UBXN7: variants seen among roughly 807,000 people sequenced by gnomAD.
UBXN7 encodes the protein UBX domain protein 7.
UBXN7 carries 9 observed loss-of-function variants against 58.0 expected under a neutral mutation model. That is an observed-to-expected ratio of 0.16 (90% CI 0.09 to 0.27). The LOEUF (loss-of-function observed/expected upper bound fraction) is 0.27, where lower values mean the gene tolerates loss of function less well. Ranked by LOEUF, UBXN7 falls within the 10% of genes least tolerant of loss-of-function variation. The probability of loss-of-function intolerance (pLI) is 1.00; values close to 1 mark genes in which losing one functional copy is unlikely to be tolerated. For synonymous variants in UBXN7, 208 were observed against 205.0 expected (o/e 1.01, Z -0.12); for missense variants, 328 against 599.6 (o/e 0.55, Z 4.73).
At chr3:196,385,518 G>A (rs1729351830) in intron 5 of UBXN7, among the ~76,000 whole-genome samples, 1 of 151,790 alleles carries the variant, frequency 6.6e-6, no homozygotes, top group Admixed American at 6.6e-5. Flanking sequence ...CTGGGATGTG[G>A]GGAGTGCCTC....
chr3:196,369,658 A>G, intron 6 of UBXN7, 147 bp from the exon 7 acceptor site: 1 of 595,158 alleles, frequency 1.7e-6, no homozygotes, highest in Non-Finnish European at 2.9e-6. Flanking sequence ...AAGAAAATAA[A>G]TCTGGTTTGA....
intron 5 of UBXN7, among the ~76,000 whole-genome samples, chr3:196,386,111 T>C (rs1560228702): frequency 6.6e-6 from 1 of 152,022 alleles, no homozygotes; most frequent in Non-Finnish European, 1.5e-5. Flanking sequence ...ATGTGCTGTG[T>C]CCACTAAGGG....
rs141483988 is a variant in UBXN7, at chr3:196,356,347, A to G, written c.*338T>C. On this transcript the variant is annotated 3_prime_UTR_variant, in exon 11 of 11. Transcript: ENST00000296328. ...TGATCCCAAAAAAGTGCCGTGCAAG[A>G]GACCACTTACTGGAACACACAATTC... 1.5e-3 allele frequency: 270 copies of G among 178,798 alleles called. No individual in the cohort carries two copies. The highest frequency in any genetic ancestry group is 6.2e-3 in the African/African-American group (261 of 42,268). The allele number at this position is 178,798 out of a possible 1,614,324, so 11.1% of individuals were successfully genotyped here. A position where few individuals can be genotyped will look rare whatever the true frequency, so the allele number is the denominator to read the frequency against.
At chr3:196,386,380 T>TAAAAAAAAAA (rs34268326) in intron 5 of UBXN7, among the ~76,000 whole-genome samples, 542 of 57,350 alleles carry the variant, frequency 9.5e-3, no homozygotes, top group Middle Eastern at 0.028. Flanking sequence ...TAATAAACAC[T>TAAAAAAAAAA]AAAAAAAAAA....
intron 1 of UBXN7, among the ~76,000 whole-genome samples, chr3:196,411,771 T>C (rs943457656): frequency 1.1e-4 from 17 of 151,522 alleles, no homozygotes; most frequent in Non-Finnish European, 1.9e-4. Context: ...GATCGTGCCA[T>C]TGCACTCCAG....
At chr3:196,385,543 A>G (rs9821735) in intron 5 of UBXN7, among the ~76,000 whole-genome samples, 79,325 of 150,662 alleles carry the variant, frequency 0.53, 21,183 homozygotes, top group East Asian at 0.9. Context: ...CCGCCACCCC[A>G]TCTGAGATGT....
chr3:196,387,508 A>C (rs1216509694), intron 5 of UBXN7, among the ~76,000 whole-genome samples: 3 of 152,244 alleles, frequency 2.0e-5, no homozygotes, highest in African/African-American at 7.2e-5. Flanking sequence ...GGCAACCTAC[A>C]GAATGGGAAA....
intron 1 of UBXN7, among the ~76,000 whole-genome samples, chr3:196,424,946 C>T (rs1730802431): frequency 6.6e-6 from 1 of 151,860 alleles, no homozygotes; most frequent in African/African-American, 2.4e-5. Context: ...AGGTGATCCA[C>T]TCGCCTCGGC....
chr3:196,383,169 G>C (rs766352679), intron 5 of UBXN7, among the ~76,000 whole-genome samples: 18 of 151,236 alleles, frequency 1.2e-4, no homozygotes, highest in Non-Finnish European at 2.4e-4. Flanking sequence ...CCTAGTCTCT[G>C]ATAAAACAGA....
chr3:196,379,964 G>A (rs1160206294), intron 5 of UBXN7, among the ~76,000 whole-genome samples: 4 of 152,132 alleles, frequency 2.6e-5, no homozygotes, highest in African/African-American at 9.7e-5. Context: ...GTGAAAGCAG[G>A]TTTATCAAGA....
At chr3:196,405,472 AAAAAAAAAAAGAAAAG>A (rs1730132965) in intron 2 of UBXN7, among the ~76,000 whole-genome samples, 1 of 150,460 alleles carries the variant, frequency 6.6e-6, no homozygotes, top group Non-Finnish European at 1.5e-5. Flanking sequence ...TCCGTCTCAA[AAAAAAAAAAAGAAAAG>A]AAAAAAAAAG....
rs150371172 is a variant in UBXN7, at chr3:196,398,397, A to G, written c.289+4555T>C. Reference sequence around the variant, plus strand: ...ACAATTCATCTCGCAGTCTGAATGGATCTTTTACCTATGCACAATTTTGTA... The same window carrying G: ...ACAATTCATCTCGCAGTCTGAATGGGTCTTTTACCTATGCACAATTTTGTA... On this transcript the variant is annotated intron_variant, in intron 3 of 10. Coordinates refer to ENST00000296328, the MANE Select transcript of UBXN7 (RefSeq NM_015562.2). Among the ~76,000 whole-genome samples the G allele has an allele frequency of 9.7e-4, 148 of 152,310 alleles. 2 individuals are homozygous for G. The East Asian group carries it at 0.027, about 28-fold the overall frequency.
intron 5 of UBXN7, among the ~76,000 whole-genome samples, chr3:196,380,539 G>C (rs1240153239): frequency 6.6e-6 from 1 of 152,224 alleles, no homozygotes; most frequent in African/African-American, 2.4e-5. Flanking sequence ...AGCAGCTGCA[G>C]TCTGCAGCTC....
intron 5 of UBXN7, among the ~76,000 whole-genome samples, chr3:196,381,845 A>G (rs1274739402): frequency 3.9e-5 from 6 of 152,254 alleles, no homozygotes; most frequent in Non-Finnish European, 1.5e-5. Context: ...TGACGCTTGC[A>G]TAAGCTTCAA....
chr3:196,424,853 C>A (rs1375554693), intron 1 of UBXN7, among the ~76,000 whole-genome samples: 2 of 152,020 alleles, frequency 1.3e-5, no homozygotes, highest in South Asian at 4.1e-4. Context: ...CAGGCACACA[C>A]CACCATGCCC....
At chr3:196,361,699 CT>C (rs1297847001) in intron 10 of UBXN7, 144 bp downstream of exon 10, 76 of 654,380 alleles carry the variant, frequency 1.2e-4, no homozygotes, top group East Asian at 1.7e-4. Context: ...AAGTTATGTG[CT>C]TTTTTTTAGA....
At chr3:196,420,900 T>C (rs960000814) in intron 1 of UBXN7, among the ~76,000 whole-genome samples, 1 of 152,302 alleles carries the variant, frequency 6.6e-6, no homozygotes, top group Non-Finnish European at 1.5e-5. Context: ...AACCAAAGTA[T>C]AGCAGTCACA....
intron 3 of UBXN7, among the ~76,000 whole-genome samples, chr3:196,396,716 T>A (rs1729786338): frequency 6.6e-6 from 1 of 151,966 alleles, no homozygotes; most frequent in Non-Finnish European, 1.5e-5. Flanking sequence ...TGAGCTGAGA[T>A]CGCACCACTG....
chr3:196,418,662 G>C (rs1341033011), intron 1 of UBXN7, among the ~76,000 whole-genome samples: 1 of 152,188 alleles, frequency 6.6e-6, no homozygotes, highest in Non-Finnish European at 1.5e-5. Context: ...TAGGGAGGCA[G>C]TAGAAAACTA....
Sources: gnomAD v4.1 joint callset for allele counts (sites outside exome capture counted in the v4.1 genomes callset) on GRCh38, gnomAD v4.1.1 for gene constraint, MANE v1.5 for transcripts, NCBI Gene and HGNC (gene_info 2026-07-23, HGNC 2026-07-21) for gene names.